The following GRIK4 variants were observed in gnomAD, a reference collection of about 807,000 sequenced individuals.
GRIK4 encodes glutamate ionotropic receptor kainate type subunit 4.
GRIK4 carries 40 observed loss-of-function variants against 104.9 expected under a neutral mutation model. That is an observed-to-expected ratio of 0.38 (90% confidence interval 0.30 to 0.50). GRIK4 has a LOEUF of 0.50. Among genes scored for constraint, GRIK4 ranks in the 20% least tolerant of loss-of-function variants. GRIK4 has a pLI of 0.93. For synonymous variants in GRIK4, 485 were observed against 524.9 expected (o/e 0.92, Z 1.04); for missense variants, 1,047 against 1,308.1 (o/e 0.80, Z 3.08).
chr11:120,915,872 C>T (rs1488875353), intron 13 of GRIK4, among the ~76,000 whole-genome samples: 1 of 152,200 alleles, frequency 6.6e-6, no homozygotes, highest in East Asian at 1.9e-4. Flanking sequence ...GGCACAGAGG[C>T]TTGGAGAGTT....
intron 13 of GRIK4, among the ~76,000 whole-genome samples, chr11:120,908,611 C>T (rs1349353568): frequency 1.3e-5 from 2 of 152,144 alleles, no homozygotes; most frequent in African/African-American, 4.8e-5. Context: ...AGGTGGCAGG[C>T]AGGCGGGGAG....
intron 3 of GRIK4, among the ~76,000 whole-genome samples, chr11:120,743,491 GTGA>G (rs1195180056): frequency 6.6e-6 from 1 of 152,174 alleles, no homozygotes; most frequent in African/African-American, 2.4e-5. Context: ...TAATACCTGG[GTGA>G]TGAAGTAATC....
chr11:120,763,254 T>A (rs1486441058), intron 3 of GRIK4, among the ~76,000 whole-genome samples: 2 of 152,220 alleles, frequency 1.3e-5, no homozygotes, highest in Non-Finnish European at 1.5e-5. Context: ...TAGTATTCTC[T>A]GATGGTAGTT....
At chr11:120,608,546 G>C (rs1217505543) in intron 1 of GRIK4, among the ~76,000 whole-genome samples, 1 of 152,184 alleles carries the variant, frequency 6.6e-6, no homozygotes, top group Non-Finnish European at 1.5e-5. Context: ...GGTGACCTTG[G>C]TTGTGATCCT....
At chr11:120,724,762 A>G (rs1950998801) in intron 3 of GRIK4, among the ~76,000 whole-genome samples, 1 of 152,264 alleles carries the variant, frequency 6.6e-6, no homozygotes, top group Non-Finnish European at 1.5e-5. Flanking sequence ...TAATGTAACT[A>G]CTAAGTAAAC....
At chr11:120,557,187 G>A (rs1303119905) in intron 1 of GRIK4, among the ~76,000 whole-genome samples, 1 of 152,114 alleles carries the variant, frequency 6.6e-6, no homozygotes, top group Non-Finnish European at 1.5e-5. Context: ...TAGTGCACTG[G>A]AGGACCGGAT....
chr11:120,937,549 T>G (rs1474470732), intron 13 of GRIK4, among the ~76,000 whole-genome samples: 3 of 152,216 alleles, frequency 2.0e-5, no homozygotes, highest in South Asian at 4.1e-4. Context: ...TCTCCTTCCC[T>G]GCCTCCCTTT....
At chr11:120,711,899 C>T (rs1652516233) in intron 3 of GRIK4, among the ~76,000 whole-genome samples, 2 of 152,334 alleles carry the variant, frequency 1.3e-5, no homozygotes, top group Admixed American at 1.3e-4. Context: ...GTCCTAGCAA[C>T]TGAATCCTAC....
intron 11 of GRIK4, 21 bp from the exon 12 acceptor site, chr11:120,898,511 C>A: frequency 7.2e-7 from 1 of 1,397,324 alleles, no homozygotes; most frequent in Non-Finnish European, 1.0e-6. Context: ...TCTTCCCAGT[C>A]CTCTCCGTTG....
At chr11:120,949,833 T>A (rs1565457304) in intron 14 of GRIK4, among the ~76,000 whole-genome samples, 1 of 152,160 alleles carries the variant, frequency 6.6e-6, no homozygotes, top group Non-Finnish European at 1.5e-5. Flanking sequence ...GCACTTAACC[T>A]CCCTGGGTCC....
In GRIK4 at chr11:120,688,579, A is replaced by G. The variant is rs1217690682; in HGVS notation, c.82+28179A>G. On this transcript the variant is annotated intron_variant, in intron 3 of 20. Coordinates refer to ENST00000527524, the MANE Select transcript of GRIK4 (RefSeq NM_014619.5). Reference sequence around the variant, plus strand: ...CAAGCCCAGGAGGCCTCGATACTTCATCAGGTTTCTAATGATTTTGTCAGA... The same window carrying G: ...CAAGCCCAGGAGGCCTCGATACTTCGTCAGGTTTCTAATGATTTTGTCAGA... 3.3e-5 allele frequency among the ~76,000 whole-genome samples: 5 copies of G among 152,202 alleles called. No homozygotes were observed. The South Asian group carries it at 6.2e-4, about 19-fold the overall frequency.
At chr11:120,734,299 T>G (rs894987388) in intron 3 of GRIK4, among the ~76,000 whole-genome samples, 1 of 152,226 alleles carries the variant, frequency 6.6e-6, no homozygotes, top group African/African-American at 2.4e-5. Flanking sequence ...GAAGGATATT[T>G]TCACTGAATA....
Position 120,822,513 on chromosome 11 carries a change from A to G in GRIK4, c.511+2593A>G, listed in dbSNP as rs529855184. On this transcript the variant is annotated intron_variant, in intron 6 of 20. Transcript: ENST00000527524. ...CCTCTGGATCTGTGATGACCAAAGC[A>G]GTAGCCACAAGCCACGTATGGCTAT... 1.9e-4 allele frequency among the ~76,000 whole-genome samples: 29 copies of G among 152,358 alleles called. 1 individual carries two copies. The South Asian group carries it at 5.8e-3, about 30-fold the overall frequency.
chr11:120,844,682 C>T (rs1301740316), intron 8 of GRIK4, among the ~76,000 whole-genome samples: 1 of 152,164 alleles, frequency 6.6e-6, no homozygotes, highest in African/African-American at 2.4e-5. Flanking sequence ...TCCGCAGGAC[C>T]CCCGGTACTT....
rs370863491 is a variant in GRIK4, at chr11:120,660,444, C to T, written c.82+44C>T. 56 of 1,431,290 alleles carry T rather than the reference C, an allele frequency of 3.9e-5. 1 individual carries two copies. In the African/African-American group the frequency reaches 6.0e-4, roughly 15 times the overall value. The allele number at this position is 1,431,290 out of a possible 1,614,324, so 88.7% of individuals were successfully genotyped here. A position where few individuals can be genotyped will look rare whatever the true frequency, so the allele number is the denominator to read the frequency against. On this transcript the variant is annotated intron_variant, in intron 3 of 20. Transcript: ENST00000527524. ...GGGGCAGTGCCCCCACCCACTATCC[C>T]AGGTGTCCACAAGGGACATGAGAGT... is the stretch of plus-strand genomic sequence containing the variant.
At chr11:120,927,624 A>G (rs1472211115) in intron 13 of GRIK4, among the ~76,000 whole-genome samples, 1 of 151,808 alleles carries the variant, frequency 6.6e-6, no homozygotes, top group African/African-American at 2.4e-5. Flanking sequence ...TAACATCTAT[A>G]TATTTTTCTA....
intron 11 of GRIK4, among the ~76,000 whole-genome samples, chr11:120,882,533 A>G (rs1378395602): frequency 2.6e-5 from 4 of 152,212 alleles, no homozygotes; most frequent in Admixed American, 2.6e-4. Context: ...TCGAGACGGC[A>G]GATCCGGGTG....
At chr11:120,722,188 A>G (rs961928863) in intron 3 of GRIK4, among the ~76,000 whole-genome samples, 1 of 152,106 alleles carries the variant, frequency 6.6e-6, no homozygotes, top group African/African-American at 2.4e-5. Flanking sequence ...TCATTCAGCA[A>G]TAGCAACTTT....
At chr11:120,579,420 C>G (rs182098323) in intron 1 of GRIK4, among the ~76,000 whole-genome samples, 168 of 152,056 alleles carry the variant, frequency 1.1e-3, no homozygotes, top group African/African-American at 3.6e-3. Flanking sequence ...TGAGTGTCTT[C>G]GAGAGAATGG....
Sources: gnomAD v4.1 joint callset for allele counts (sites outside exome capture counted in the v4.1 genomes callset) on GRCh38, gnomAD v4.1.1 for gene constraint, MANE v1.5 for transcripts, NCBI Gene and HGNC (gene_info 2026-07-23, HGNC 2026-07-21) for gene names.